CEP164: variants seen among roughly 807,000 people sequenced by gnomAD.
The protein encoded by CEP164 is centrosomal protein of 164 kDa.
In CEP164, 162 loss-of-function variants were observed where a neutral mutation model predicts 182.7. The observed-to-expected ratio is 0.89, with a 90% CI of 0.78 to 1.01. CEP164 has a LOEUF of 1.01. Among genes scored for constraint, CEP164 ranks in the 50% least tolerant of loss-of-function variants. The pLI is 0.00. For missense variants in CEP164, 1,735 were observed against 1,790.4 expected (o/e 0.97, Z 0.56); for synonymous variants, 661 against 690.0 (o/e 0.96, Z 0.66).
chr11:117,359,662 T>C (rs776749243), intron 5 of CEP164: 2 of 890,836 alleles, frequency 2.2e-6, no homozygotes, highest in Non-Finnish European at 2.7e-6. Context: ...TTTTGTGTCA[T>C]CTTAGACATT....
chr11:117,394,008 C>A lies in CEP164; in HGVS notation c.2617-342C>A, dbSNP rs2045082566. 6.6e-6 allele frequency among the ~76,000 whole-genome samples: 1 copy of A among 152,242 alleles called. No homozygotes were observed. The highest frequency in any genetic ancestry group is 6.5e-5 in the Admixed American group (1 of 15,284). On this transcript the variant is annotated intron_variant, in intron 20 of 32. Transcript: ENST00000278935. This position sits in a 1 kb window ranked among gnomAD's most constrained non-coding sequence, Gnocchi z 4.0. ...TGATGAAATTTGCCATATCCCTTCC[C>A]CCAACCAATTATGACCTTGCTGAAG... is the stretch of plus-strand genomic sequence containing the variant.
chr11:117,343,316 C>T (rs1231066316), intron 3 of CEP164, among the ~76,000 whole-genome samples: 2 of 152,264 alleles, frequency 1.3e-5, no homozygotes, highest in Non-Finnish European at 2.9e-5. Context: ...TGCCCCTAGG[C>T]AGAATCAATC....
intron 27 of CEP164, among the ~76,000 whole-genome samples, chr11:117,398,615 C>G (rs1227733820): frequency 1.3e-5 from 2 of 152,238 alleles, no homozygotes; most frequent in Non-Finnish European, 2.9e-5. Context: ...GTTCCCAGAC[C>G]TTAGTTCTTG....
chr11:117,325,087 T>G (rs918135329), upstream of CEP164, among the ~76,000 whole-genome samples: 12 of 152,102 alleles, frequency 7.9e-5, no homozygotes, highest in South Asian at 4.1e-4. Flanking sequence ...ATTTATTTAT[T>G]TATTTATTTA....
chr11:117,338,874 G>A (rs2037624229), intron 3 of CEP164, among the ~76,000 whole-genome samples: 1 of 152,078 alleles, frequency 6.6e-6, no homozygotes, highest in Non-Finnish European at 1.5e-5. Context: ...CTGGAGTGCA[G>A]TGGCGTGATC....
chr11:117,327,131 C>T (rs2035493708), upstream of CEP164, among the ~76,000 whole-genome samples: 1 of 152,114 alleles, frequency 6.6e-6, no homozygotes, highest in South Asian at 2.1e-4. Flanking sequence ...CAAACTGAAC[C>T]CTGGGCTTTG....
chr11:117,392,369 C>T, intron 18 of CEP164, 66 bp downstream of exon 18: 1 of 1,570,000 alleles, frequency 6.4e-7, no homozygotes, highest in South Asian at 1.2e-5. Context: ...TCCCTGGCTA[C>T]TAGGCAGCGA....
At chr11:117,338,708 G>A (rs751080922) in intron 3 of CEP164, 40 bp downstream of exon 3, 1 of 1,448,238 alleles carries the variant, frequency 6.9e-7, no homozygotes, top group Admixed American at 1.7e-5. Context: ...TATTGTGTTT[G>A]TTTTTTGAGG....
chr11:117,329,588 C>T (rs2035868610), intron 1 of CEP164, among the ~76,000 whole-genome samples: 2 of 152,212 alleles, frequency 1.3e-5, no homozygotes, highest in South Asian at 4.1e-4. Flanking sequence ...GTCGCCCAGG[C>T]TGGAGTGCAG....
At chr11:117,377,531 G>A (rs994165760) in intron 11 of CEP164, among the ~76,000 whole-genome samples, 8 of 152,208 alleles carry the variant, frequency 5.3e-5, no homozygotes, top group African/African-American at 1.9e-4. Context: ...TCGAGATGGG[G>A]AGGTGGAGCT....
intron 4 of CEP164, 51 bp from the exon 5 acceptor site, chr11:117,351,739 C>CTTTTTTTT: frequency 7.6e-7 from 1 of 1,322,394 alleles, no homozygotes; most frequent in Non-Finnish European, 1.0e-6. Context: ...TTTTTTTTTT[C>CTTTTTTTT]TTCTTTTGTA....
chr11:117,412,039 A>T (rs780173132), intron 32 of CEP164, 33 bp from the exon 33 acceptor site: 1 of 1,613,026 alleles, frequency 6.2e-7, no homozygotes. Flanking sequence ...GGCTATGCCC[A>T]GCGACTGCAG....
chr11:117,354,316 C>T (rs1317142856), intron 5 of CEP164, among the ~76,000 whole-genome samples: 7 of 152,168 alleles, frequency 4.6e-5, no homozygotes, highest in Admixed American at 4.6e-4. Flanking sequence ...CCACACACGG[C>T]TCAAGGTTGG....
Position 117,380,685 on chromosome 11 carries a change from G to C in CEP164, c.1389G>C (p.Gln463His). Residue 463 changes from glutamine (Q) to histidine (H), a missense_variant, in exon 12 of 33, where the codon CAG (glutamine) becomes CAC (histidine). Gln to His is a conservative substitution (Grantham distance 24). Transcript: ENST00000278935. ...QSSQDELQSK[Q>H]SKGLEERLSP... ...GCCAAGATGAGCTGCAGAGCAAGCA[G>C]TCCAAAGGCCTGGAGGAGAGGTACC... 6.2e-7 allele frequency: 1 copy of C among 1,607,040 alleles called. No homozygotes were observed. The highest frequency in any genetic ancestry group is 8.5e-7 in the Non-Finnish European group (1 of 1,176,858).
intron 1 of CEP164, among the ~76,000 whole-genome samples, chr11:117,322,818 T>G (rs2035302055): frequency 1.5e-5 from 2 of 135,362 alleles, no homozygotes; most frequent in South Asian, 4.8e-4. Flanking sequence ...CAGGCTGGAG[T>G]GCAGTGGCGT....
rs143514340 is a variant in CEP164, at chr11:117,405,795, C to G, written c.3502-2130C>G. ...CATCTCTCTCAAGTTCAAAGTTCCA[C>G]AAATCTCTAGGGCTGGAGCAAAATG... is the stretch of plus-strand genomic sequence containing the variant. On this transcript the variant is annotated intron_variant, in intron 27 of 32. Transcript: ENST00000278935. 2.3e-3 allele frequency among the ~76,000 whole-genome samples: 358 copies of G among 152,344 alleles called. 2 individuals carry two copies. The highest frequency in any genetic ancestry group is 0.01 in the Middle Eastern group (3 of 294).
chr11:117,371,026 T>C (rs2042150193), intron 8 of CEP164, 54 bp from the exon 9 acceptor site: 9 of 1,508,988 alleles, frequency 6.0e-6, no homozygotes, highest in South Asian at 1.4e-5. Context: ...ATGTCTCAAC[T>C]CCTTTTGCAC....
At chr11:117,384,499 G>A (rs1282306810) in intron 14 of CEP164, 3 of 152,282 alleles carry the variant, frequency 2.0e-5, no homozygotes, top group Non-Finnish European at 4.4e-5. Flanking sequence ...AGAGGTCAGA[G>A]GGATGTCTTC....
chr11:117,355,958 T>C, intron 5 of CEP164: 1 of 1,103,176 alleles, frequency 9.1e-7, no homozygotes, highest in South Asian at 2.3e-5. Context: ...AGAGCTCCCT[T>C]ATAAAGATCA....
Sources: allele counts gnomAD v4.1 joint callset (sites outside exome capture counted in the v4.1 genomes callset), GRCh38; gene constraint gnomAD v4.1.1; non-coding constraint Gnocchi (gnomAD v3.1); transcripts MANE v1.5; gene names NCBI Gene and HGNC (gene_info 2026-07-23, HGNC 2026-07-21).